The following MSI2 variants were observed in gnomAD, a reference collection of about 807,000 sequenced individuals.
MSI2 encodes RNA-binding protein Musashi homolog 2.
A neutral mutation model predicts 45.6 loss-of-function variants in MSI2; 17 were observed. That is an observed-to-expected ratio of 0.37 (90% CI 0.26 to 0.56). The LOEUF (loss-of-function observed/expected upper bound fraction) is 0.56. Among genes scored for constraint, MSI2 ranks in the 20% least tolerant of loss-of-function variants. MSI2 has a pLI of 0.77. For synonymous variants in MSI2, 156 were observed against 158.2 expected, an observed-to-expected ratio of 0.99 and a Z score of 0.11; for missense variants, 293 against 444.2, an observed-to-expected ratio of 0.66 and a Z score of 3.06.
At chr17:57,598,958 C>T (rs572205482) in intron 8 of MSI2, among the ~76,000 whole-genome samples, 11 of 152,154 alleles carry the variant, frequency 7.2e-5, no homozygotes, top group African/African-American at 2.7e-4. Context: ...CCACTGTGCC[C>T]GACCAGTACT....
chr17:57,454,585 C>T (rs925106758), intron 6 of MSI2, among the ~76,000 whole-genome samples: 1 of 151,922 alleles, frequency 6.6e-6, no homozygotes, highest in Non-Finnish European at 1.5e-5. Flanking sequence ...TACAGGCACC[C>T]GCCACCACGC....
chr17:57,599,775 G>C (rs1001553344), intron 8 of MSI2, among the ~76,000 whole-genome samples: 4 of 152,188 alleles, frequency 2.6e-5, no homozygotes, highest in African/African-American at 9.7e-5. Flanking sequence ...CCCTGGGAGA[G>C]GACTTTGGAG....
intron 7 of MSI2, among the ~76,000 whole-genome samples, chr17:57,542,208 G>A (rs577386204): frequency 5.3e-5 from 8 of 152,308 alleles, no homozygotes; most frequent in South Asian, 2.1e-4. Flanking sequence ...CAAGGAGTCC[G>A]TCGGAAATGT....
At chr17:57,482,841 G>A (rs277071) in intron 6 of MSI2, among the ~76,000 whole-genome samples, 123,122 of 152,164 alleles carry the variant, frequency 0.81, 50,003 homozygotes, top group East Asian at 0.9. Context: ...TTTTGTGTGA[G>A]TGAGACTATT....
At chr17:57,393,884 G>A (rs1354444773) in intron 5 of MSI2, among the ~76,000 whole-genome samples, 1 of 152,114 alleles carries the variant, frequency 6.6e-6, no homozygotes, top group African/African-American at 2.4e-5. Context: ...GTTTTGCCAT[G>A]TTGGCCAGGC....
chr17:57,678,747 C>T (rs1209666060), intron 13 of MSI2, among the ~76,000 whole-genome samples: 1 of 152,214 alleles, frequency 6.6e-6, no homozygotes, highest in Non-Finnish European at 1.5e-5. Flanking sequence ...ACTCAATTTC[C>T]AGAGAAGGAT....
chr17:57,262,530 C>T, intron 5 of MSI2: 1 of 236,672 alleles, frequency 4.2e-6, no homozygotes, highest in Admixed American at 5.4e-5. Flanking sequence ...TTCCTTGTGA[C>T]TCTTTCGGAG....
intron 5 of MSI2, among the ~76,000 whole-genome samples, chr17:57,383,917 G>A (rs1391583331): frequency 3.3e-5 from 5 of 152,198 alleles, no homozygotes; most frequent in African/African-American, 9.7e-5. Flanking sequence ...ACTTGCTCAC[G>A]TGGCAGCTCA....
At chr17:57,350,225 G>GGGGTGT (rs368655017) in intron 5 of MSI2, among the ~76,000 whole-genome samples, 2 of 146,638 alleles carry the variant, frequency 1.4e-5, no homozygotes, top group Non-Finnish European at 3.0e-5. Context: ...CAGAGGTAGG[G>GGGGTGT]GTGTGTGTGT....
chr17:57,305,484 A>G (rs945854347), intron 5 of MSI2, among the ~76,000 whole-genome samples: 1 of 152,242 alleles, frequency 6.6e-6, no homozygotes, highest in Non-Finnish European at 1.5e-5. Flanking sequence ...CTGCGCCAGC[A>G]AGACCTCTAG....
chr17:57,610,957 T>C (rs77166206), intron 8 of MSI2, among the ~76,000 whole-genome samples: 5,853 of 94,132 alleles, frequency 0.062, 1,998 homozygotes, highest in African/African-American at 0.18. Flanking sequence ...ATTGGGAGTG[T>C]TTTGTGGCAT....
intron 9 of MSI2, 197 bp downstream of exon 9, chr17:57,616,281 ATGTGTG>A (rs141665856): frequency 1.5e-4 from 71 of 479,922 alleles, no homozygotes; most frequent in Non-Finnish European, 1.9e-4. Context: ...GTGTGCATGC[ATGTGTG>A]TGTGTGTGTG....
rs1192423493 is a variant in MSI2, at chr17:57,256,730, G to T, written c.-13G>T. 2.1e-5 allele frequency: 12 copies of T among 570,018 alleles called. No homozygotes were observed. The highest frequency in any genetic ancestry group is 3.2e-5 in the Non-Finnish European group (12 of 375,422). The allele number at this position is 570,018 out of a possible 1,614,324, so 35.3% of individuals were successfully genotyped here. On this transcript the variant is annotated 5_prime_UTR_variant, in exon 1 of 14. Transcript: ENST00000284073. ...TTGGTTTTTTGGGGGTGGGGGGGCGGGGGGGCTCAGATATGGAGGCAAATG... is the reference window on the plus strand; with the variant it reads ...TTGGTTTTTTGGGGGTGGGGGGGCGTGGGGGCTCAGATATGGAGGCAAATG...
intron 6 of MSI2, among the ~76,000 whole-genome samples, chr17:57,469,254 C>T (rs569760576): frequency 5.3e-5 from 8 of 152,178 alleles, no homozygotes; most frequent in African/African-American, 1.7e-4. Flanking sequence ...AAAGGAGGTG[C>T]GAAGTCCATG....
intron 7 of MSI2, among the ~76,000 whole-genome samples, chr17:57,542,864 C>A (rs2087081286): frequency 6.6e-6 from 1 of 152,246 alleles, no homozygotes; most frequent in Non-Finnish European, 1.5e-5. Flanking sequence ...TCAGCTCCAT[C>A]CGTCGTCTGT....
At position 57,561,553 on chromosome 17, in the gene MSI2, A is replaced by G. The variant is rs144617115; in HGVS notation, c.454+31829A>G. Among the ~76,000 whole-genome samples the G allele has an allele frequency of 1.5e-3, 226 of 152,262 alleles. 4 individuals are homozygous for G. The South Asian group carries it at 0.019, about 12-fold the overall frequency. On this transcript the variant is annotated intron_variant, in intron 7 of 13. Coordinates refer to ENST00000284073, the MANE Select transcript of MSI2 (RefSeq NM_138962.4). The stretch of plus-strand genomic sequence containing the variant: ...TCATCCAGACTGCAAACAGGAAGCA[A>G]TAAGAATTGTTTGCCCAGTTGCTGC...
intron 5 of MSI2, among the ~76,000 whole-genome samples, chr17:57,395,680 G>A (rs1401550700): frequency 6.6e-6 from 1 of 152,168 alleles, no homozygotes; most frequent in Admixed American, 6.5e-5. Flanking sequence ...CCTGCTCGTG[G>A]GTCTGGCATA....
chr17:57,619,401 C>T (rs1039139351), intron 9 of MSI2, among the ~76,000 whole-genome samples: 4 of 152,218 alleles, frequency 2.6e-5, no homozygotes, highest in African/African-American at 9.6e-5. Flanking sequence ...GCACAGATGC[C>T]TGATGATCAT....
At chr17:57,380,306 G>A (rs1184805446) in intron 5 of MSI2, among the ~76,000 whole-genome samples, 8 of 152,194 alleles carry the variant, frequency 5.3e-5, no homozygotes, top group Admixed American at 2.0e-4. Context: ...CAGAGCGTGC[G>A]TAAATCAAGT....
Sources: allele counts gnomAD v4.1 joint callset (sites outside exome capture counted in the v4.1 genomes callset), GRCh38; gene constraint gnomAD v4.1.1; transcripts MANE v1.5; gene names NCBI Gene and HGNC (gene_info 2026-07-23, HGNC 2026-07-21).